Variants in TYW1 observed in about 807,000 individuals in gnomAD.
The protein encoded by TYW1 is S-adenosyl-L-methionine-dependent tRNA 4-demethylwyosine synthase TYW1.
A neutral mutation model predicts 96.2 loss-of-function variants in TYW1; 46 were observed. That is an observed-to-expected ratio of 0.48 (90% CI 0.38 to 0.61). TYW1 has a LOEUF of 0.61. TYW1 is among the 20% of genes least tolerant of loss of function. The pLI is 0.00. For synonymous variants in TYW1, 274 were observed against 323.0 expected (o/e 0.85, Z 1.63); for missense variants, 684 against 909.6 (o/e 0.75, Z 3.19).
rs188026717 is a variant in TYW1 at position 67,213,136 on chromosome 7, T to C, written c.1977+17799T>C. On this transcript the variant is annotated intron_variant, in intron 15 of 15. Coordinates refer to ENST00000359626, the MANE Select transcript of TYW1 (RefSeq NM_018264.4). ...GATTCGCCCTCCTCAGCCTCCAAAG[T>C]GCTGGGATTACAGGTATGAGCCACC... Among the ~76,000 whole-genome samples the C allele has an allele frequency of 5.6e-4, 85 of 151,836 alleles. 1 individual carries two copies. The East Asian group carries it at 0.016, about 29-fold the overall frequency.
intron 15 of TYW1, among the ~76,000 whole-genome samples, chr7:67,210,894 A>G (rs900165694): frequency 3.6e-5 from 4 of 112,044 alleles, no homozygotes; most frequent in African/African-American, 1.0e-4. Context: ...CCATCCATCT[A>G]TCCATCTGTC....
chr7:67,057,019 C>CTT (rs770339972), intron 9 of TYW1, among the ~76,000 whole-genome samples: 18 of 138,786 alleles, frequency 1.3e-4, no homozygotes, highest in African/African-American at 1.8e-4. Flanking sequence ...TTTTTCTTTT[C>CTT]TTTTTTTTTT....
chr7:67,017,281 C>T (rs913721283), intron 5 of TYW1, among the ~76,000 whole-genome samples: 2 of 152,070 alleles, frequency 1.3e-5, no homozygotes, highest in African/African-American at 2.4e-5. Context: ...CTTCGCCTGG[C>T]GTAGATACGT....
At chr7:67,075,340 G>A (rs1203448882) in intron 10 of TYW1, among the ~76,000 whole-genome samples, 1 of 152,108 alleles carries the variant, frequency 6.6e-6, no homozygotes, top group African/African-American at 2.4e-5. Context: ...TGTGAAGTGG[G>A]GGCAGGGTGG....
rs574606442 is a variant in TYW1, at chr7:67,110,828, G to C, written c.1563-6655G>C. Among the ~76,000 whole-genome samples, 60 of 152,096 alleles carry C rather than the reference G, an allele frequency of 3.9e-4. No homozygotes were observed. In the South Asian group the frequency reaches 0.012, roughly 32 times the overall value. On this transcript the variant is annotated intron_variant, in intron 12 of 15. Coordinates refer to ENST00000359626, the MANE Select transcript of TYW1 (RefSeq NM_018264.4). ...GAGACTGGCCTGGGCAACATAGTGA[G>C]ACCCTGTCTCTACAAAAAATTAAAA...
At chr7:67,227,035 C>T (rs888470398) in intron 15 of TYW1, among the ~76,000 whole-genome samples, 4 of 152,012 alleles carry the variant, frequency 2.6e-5, no homozygotes, top group East Asian at 1.9e-4. Flanking sequence ...ATGAATGATT[C>T]GTTTTGCATT....
At chr7:67,114,569 G>T (rs1797532481) in intron 12 of TYW1, among the ~76,000 whole-genome samples, 2 of 152,288 alleles carry the variant, frequency 1.3e-5, no homozygotes, top group Admixed American at 1.3e-4. Context: ...AATATTGTCT[G>T]TTTTTGGGAG....
chr7:67,077,700 T>C (rs372163451), intron 10 of TYW1, among the ~76,000 whole-genome samples: 18 of 152,242 alleles, frequency 1.2e-4, no homozygotes, highest in Non-Finnish European at 2.2e-4. Flanking sequence ...GTTGTCTCTT[T>C]ACCCTGTTGA....
intron 10 of TYW1, among the ~76,000 whole-genome samples, chr7:67,082,508 C>A (rs192314814): frequency 1.3e-5 from 2 of 152,222 alleles, no homozygotes; most frequent in East Asian, 3.9e-4. Context: ...GGTCCTTAGA[C>A]CCTAGGGGAG....
intron 9 of TYW1, among the ~76,000 whole-genome samples, chr7:67,063,155 G>A (rs12534278): frequency 0.04 from 6,069 of 152,102 alleles, 174 homozygotes; most frequent in Middle Eastern, 0.1. Flanking sequence ...AAAAACCAAA[G>A]CAATCCACCA....
chr7:67,051,382 A>T (rs1163880116), intron 8 of TYW1, among the ~76,000 whole-genome samples: 3 of 152,016 alleles, frequency 2.0e-5, no homozygotes, highest in Non-Finnish European at 2.9e-5. Flanking sequence ...ATCATGGCTC[A>T]CTGTAGCCTT....
chr7:67,026,925 A>G (rs184606835), intron 7 of TYW1, among the ~76,000 whole-genome samples: 3 of 152,284 alleles, frequency 2.0e-5, no homozygotes, highest in Admixed American at 6.5e-5. Context: ...GGCTGAGTGC[A>G]GTGGCTCACC....
intron 13 of TYW1, among the ~76,000 whole-genome samples, chr7:67,144,668 G>A (rs1798550565): frequency 6.6e-6 from 1 of 151,950 alleles, no homozygotes; most frequent in Admixed American, 6.6e-5. Context: ...ACAGGGTTTC[G>A]CCGTGTTGCC....
chr7:67,049,910 T>A, intron 7 of TYW1, 39 bp from the exon 8 acceptor site: 1 of 1,612,056 alleles, frequency 6.2e-7, no homozygotes, highest in Non-Finnish European at 8.5e-7. Context: ...CATTGCACAT[T>A]ACCAATTCTG....
intron 14 of TYW1, 123 bp downstream of exon 14, chr7:67,183,359 C>G: frequency 1.2e-6 from 1 of 805,532 alleles, no homozygotes; most frequent in South Asian, 1.9e-5. Context: ...TTGATGTATT[C>G]ATTTCGTGAT....
At chr7:66,999,157 T>C (rs1216878989) in intron 3 of TYW1, among the ~76,000 whole-genome samples, 1 of 152,158 alleles carries the variant, frequency 6.6e-6, no homozygotes, top group East Asian at 1.9e-4. Flanking sequence ...TGTGCCCAGT[T>C]AGAGCTGATT....
intron 12 of TYW1, among the ~76,000 whole-genome samples, chr7:67,112,340 G>A (rs1797445371): frequency 6.6e-6 from 1 of 152,012 alleles, no homozygotes. Context: ...ATTAGGCCAG[G>A]CACAGTGGCT....
chr7:67,234,547 T>G (rs1801827942), intron 15 of TYW1, among the ~76,000 whole-genome samples: 1 of 151,960 alleles, frequency 6.6e-6, no homozygotes, highest in Non-Finnish European at 1.5e-5. Flanking sequence ...GAGAAAAGAA[T>G]TTTCTGTTGT....
At chr7:67,177,325 A>G (rs1285693195) in intron 13 of TYW1, among the ~76,000 whole-genome samples, 2 of 151,966 alleles carry the variant, frequency 1.3e-5, no homozygotes, top group African/African-American at 2.4e-5. Flanking sequence ...TTAAAGAGAC[A>G]CAAGAAACAC....
Sources: allele counts gnomAD v4.1 joint callset (sites outside exome capture counted in the v4.1 genomes callset), GRCh38; gene constraint gnomAD v4.1.1; transcripts MANE v1.5; gene names NCBI Gene and HGNC (gene_info 2026-07-23, HGNC 2026-07-21).